The following FLG variants were observed in gnomAD, a reference collection of about 807,000 sequenced individuals.
FLG encodes the protein epidermal filaggrin.
FLG carries 6 observed loss-of-function variants against 3.8 expected under a neutral mutation model. The observed-to-expected ratio is 1.60, with a 90% CI of 0.87 to 3.15. The LOEUF is 3.15. FLG is among the 30% of genes most tolerant of loss of function. The pLI is 0.00. For synonymous variants in FLG, 2,551 were observed against 1,931.6 expected, an observed-to-expected ratio of 1.32 and a Z score of -8.41; for missense variants, 7,595 against 5,050.9, an observed-to-expected ratio of 1.50 and a Z score of -15.27.
chr1:152,310,174 G>C lies in FLG; in HGVS notation c.4712C>G (p.Ser1571Cys), dbSNP rs1329871063. Residue 1571 changes from serine (S) to cysteine (C), a missense_variant, in exon 3 of 3, where the codon TCT becomes TGT. Transcript: ENST00000368799. ...TCCCTGGCCCACCTGTGAGTGTCTAGAGCTGCCGGCCCGAGTGGAAGGTTC... is the reference window on the plus strand; with the variant it reads ...TCCCTGGCCCACCTGTGAGTGTCTACAGCTGCCGGCCCGAGTGGAAGGTTC... ...HHEPSTRAGS[S>C]RHSQVGQGES... The C allele has an allele frequency of 1.9e-6, 3 of 1,613,718 alleles. No homozygotes were observed. Among genetic ancestry groups the C allele is most frequent in the East Asian group, 4.5e-5 (2 of 44,838 alleles).
chr1:152,312,392 A>G lies in FLG; in HGVS notation c.2494T>C (p.Ser832Pro). The change falls in exon 3 of 3, where the codon TCA (serine) becomes CCA (proline). Residue 832 changes from serine to proline, a missense_variant. By Grantham distance (74) the Ser-to-Pro change is moderately conservative. Transcript: ENST00000368799. Reference sequence around the variant, plus strand: ...GTGTCCTGACCATCTTGGGATGCTGAGTGCCTGGAGTTGTCTCGTGCCTGC... The same window carrying G: ...GTGTCCTGACCATCTTGGGATGCTGGGTGCCTGGAGTTGTCTCGTGCCTGC... ...HEQARDNSRH[S>P]ASQDGQDTIR... is the part of the protein sequence containing the mutation. 1 of 1,613,066 alleles carries G rather than the reference A, an allele frequency of 6.2e-7. No individual in the cohort carries two copies. The highest frequency in any genetic ancestry group is 1.1e-5 in the South Asian group (1 of 91,008).
At position 152,304,933 on chromosome 1, in the gene FLG, A is replaced by G. The variant is rs145342570; in HGVS notation, c.9953T>C (p.Ile3318Thr). The change falls in exon 3 of 3, where the codon ATT becomes ACT. Residue 3318 changes from isoleucine to threonine, a missense_variant. Coordinates refer to ENST00000368799, the MANE Select transcript of FLG (RefSeq NM_002016.2). ...TGCAGATGAAGCTTGTCCACGCGGA[A>G]TGCCTGAGTGTCTGGAGCTGTCTGC... ...QSADSSRHSGIPRGQASSAVR... is the reference protein window; with the variant it reads ...QSADSSRHSGTPRGQASSAVR... The G allele has an allele frequency of 6.2e-6, 10 of 1,613,312 alleles. No individual in the cohort carries two copies. The African/African-American group carries it at 1.2e-4, about 19-fold the overall frequency.
At position 152,308,059 on chromosome 1, in the gene FLG, C is replaced by G. The variant is rs149807349; in HGVS notation, c.6827G>C (p.Arg2276Thr). ...GGACCTGGGGTGTCTGGAGCCATCT[C>G]TTGACTGCTCCTGAGCAGATCCATG... ...NHHGSAQEQSRDGSRHPRSHH... is the reference protein window; with the variant it reads ...NHHGSAQEQSTDGSRHPRSHH... The change falls in exon 3 of 3, where the codon AGA becomes ACA. Residue 2276 changes from arginine (R) to threonine (T), a missense_variant. By Grantham distance (71) the Arg-to-Thr change is moderately conservative. Coordinates refer to ENST00000368799, the MANE Select transcript of FLG (RefSeq NM_002016.2). 5.1e-5 allele frequency: 82 copies of G among 1,614,118 alleles called. No homozygotes were observed. The highest frequency in any genetic ancestry group is 3.7e-4 in the Admixed American group (22 of 60,012).
At position 152,313,326 on chromosome 1, in the gene FLG, C is replaced by G; in HGVS notation, c.1560G>C (p.Pro520=). 6.2e-7 allele frequency: 1 copy of G among 1,613,498 alleles called. No homozygotes were observed. The highest frequency in any genetic ancestry group is 8.5e-7 in the Non-Finnish European group (1 of 1,179,902). Residue 520 remains proline (P), a synonymous_variant, in exon 3 of 3, where the codon CCG becomes CCC. Coordinates refer to ENST00000368799, the MANE Select transcript of FLG (RefSeq NM_002016.2). ...CCTGCCTTCCTCCTCTGCTTGACCC[C>G]GGGTGTCCACGAATGGTGTCCTGAC... ...QEGQDTIRGH[P]GSSRGGRQGS...
rs1557879253 is a variant in FLG at position 152,311,660 on chromosome 1, C to A, written c.3226G>T (p.Gly1076Ter). ...TGTGTGTCTGACTCCTCTGAATGTC[C>A]CTCACTATCACTGGCCTGACTACCA... ...SSGSQASDSE[G>*]HSEESDTQSV... Residue 1076 changes from glycine (G) to a stop codon, truncating the protein, a stop_gained, in exon 3 of 3, where the codon GGA becomes TGA. Coordinates refer to ENST00000368799, the MANE Select transcript of FLG (RefSeq NM_002016.2). LOFTEE classifies it low-confidence loss of function (END_TRUNC). 2 of 1,614,134 alleles carry A rather than the reference C, an allele frequency of 1.2e-6. No individual in the cohort carries two copies.
At position 152,310,635 on chromosome 1, in the gene FLG, C is replaced by T; in HGVS notation, c.4251G>A (p.Gly1417=). The T allele has an allele frequency of 1.9e-6, 3 of 1,613,956 alleles. No homozygotes were observed. Among genetic ancestry groups the T allele is most frequent in the Non-Finnish European group, 2.5e-6 (3 of 1,179,978 alleles). ...ACTCTTTGTGGCTCTGCTGATGGGGCCCAGCTTGTCCGTGGGCTGACACTG... is the reference window on the plus strand; with the variant it reads ...ACTCTTTGTGGCTCTGCTGATGGGGTCCAGCTTGTCCGTGGGCTGACACTG... ...TQSVSAHGQA[G]PHQQSHKESA... Residue 1417 remains glycine, a synonymous_variant, in exon 3 of 3, where the codon GGG becomes GGA. Coordinates refer to ENST00000368799, the MANE Select transcript of FLG (RefSeq NM_002016.2).
In FLG at chr1:152,306,240, C is replaced by G. The variant is rs144057082; in HGVS notation, c.8646G>C (p.Arg2882Ser). Residue 2882 changes from arginine (R) to serine (S), a missense_variant, in exon 3 of 3, where the codon AGG becomes AGC. By Grantham distance (110) the Arg-to-Ser change is moderately radical. Coordinates refer to ENST00000368799, the MANE Select transcript of FLG (RefSeq NM_002016.2). The part of the protein sequence containing the change: ...QAVQGQSEGS[R>S]RSRRQGSSVS... ...CACTGGATCCCTGGCGCCTGCTTCT[C>G]CTGGACCCCTCTGATTGTCCCTGGA... 4.9e-5 allele frequency: 78 copies of G among 1,605,082 alleles called. 1 individual carries two copies. In the Middle Eastern group the frequency reaches 6.6e-4, roughly 14 times the overall value.
chr1:152,314,029 TC>T lies in FLG; in HGVS notation c.856del (p.Glu286SerfsTer160), dbSNP rs1400304361. The T allele has an allele frequency of 1.2e-6, 2 of 1,614,226 alleles. No individual in the cohort carries two copies. The highest frequency in any genetic ancestry group is 8.5e-7 in the Non-Finnish European group (1 of 1,180,030). On this transcript the variant is annotated frameshift_variant, in exon 3 of 3. Transcript: ENST00000368799. LOFTEE classifies it low-confidence loss of function (END_TRUNC). ...HENTSQVPLQ[E>X]SRTRKRRGSR... ...TCCCCTACGCTTTCTTGTCCTGGAC[TC>T]CTGCAATGGTACCTGGCTTGTATTT...
chr1:152,309,640 T>A lies in FLG; in HGVS notation c.5246A>T (p.Glu1749Val), dbSNP rs1380029554. 9 of 1,613,544 alleles carry A rather than the reference T, an allele frequency of 5.6e-6. No individual in the cohort carries two copies. In the South Asian group the frequency reaches 9.9e-5, roughly 18 times the overall value. ...QAGPHQQSHQ[E>V]STRGQSGERS... ...TTCCCCTGACTGGCCACGTGTGGAC[T>A]CTTGGTGGCTCTGCTGATGGGGCCC... is the stretch of plus-strand genomic sequence containing the variant. The change falls in exon 3 of 3, where the codon GAG (glutamate) becomes GTG (valine). Residue 1749 changes from glutamate to valine, a missense_variant. By Grantham distance (121) the Glu-to-Val change is moderately radical. Transcript: ENST00000368799.
rs747657151 is a variant in FLG, at chr1:152,302,787, A to T, written c.12099T>A (p.Asn4033Lys). 20 of 1,614,184 alleles carry T rather than the reference A, an allele frequency of 1.2e-5. No individual in the cohort carries two copies. The highest frequency in any genetic ancestry group is 3.3e-4 in the Middle Eastern group (2 of 6,062). ...DHPRYYATYI[N>K]KDPGLCGHSS... is the part of the protein sequence containing the mutation. ...AATGGCCACATAAACCTGGGTCCTTATTAATATACGTTGCATAATACCTTG... is the reference window on the plus strand; with the variant it reads ...AATGGCCACATAAACCTGGGTCCTTTTTAATATACGTTGCATAATACCTTG... Residue 4033 changes from asparagine to lysine, a missense_variant, in exon 3 of 3, where the codon AAT becomes AAA. Transcript: ENST00000368799.
In FLG at chr1:152,308,342, C is replaced by A. The variant is rs754212855; in HGVS notation, c.6544G>T (p.Gly2182Trp). The A allele has an allele frequency of 1.2e-6, 2 of 1,613,692 alleles. No individual in the cohort carries two copies. Among genetic ancestry groups the A allele is most frequent in the Admixed American group, 3.3e-5 (2 of 59,972 alleles). The change falls in exon 3 of 3, where the codon GGG (glycine) becomes TGG (tryptophan). Residue 2182 changes from glycine (G) to tryptophan (W), a missense_variant. By Grantham distance (184) the Gly-to-Trp change is radical. Coordinates refer to ENST00000368799, the MANE Select transcript of FLG (RefSeq NM_002016.2). ...TSQGRSDASRGQSGSRSASRK... is the reference protein window; with the variant it reads ...TSQGRSDASRWQSGSRSASRK... ...CTTGCACTTCTGGATCCTGACTGCC[C>A]ACGGGAGGCATCAGACCTTCCCTGG...
At position 152,308,941 on chromosome 1, in the gene FLG, G is replaced by T; in HGVS notation, c.5945C>A (p.Thr1982Lys). The T allele has an allele frequency of 6.2e-7, 1 of 1,614,030 alleles. No homozygotes were observed. Among genetic ancestry groups the T allele is most frequent in the South Asian group, 1.1e-5 (1 of 91,082 alleles). Residue 1982 changes from threonine (T) to lysine (K), a missense_variant, in exon 3 of 3, where the codon ACA (threonine) becomes AAA (lysine). Transcript: ENST00000368799. ...DSSRQSGTRH[T>K]ESSSRGQAAS... Reference sequence around the variant, plus strand: ...AGCCTGTCCACGAGAGGAAGACTCTGTGTGACGAGTGCCTGATTGTCTGGA... The same window carrying T: ...AGCCTGTCCACGAGAGGAAGACTCTTTGTGACGAGTGCCTGATTGTCTGGA...
chr1:152,304,183 T>A lies in FLG; in HGVS notation c.10703A>T (p.Gln3568Leu). Residue 3568 changes from glutamine to leucine, a missense_variant, in exon 3 of 3, where the codon CAG becomes CTG. Physicochemically the swap from Gln to Leu is moderately radical, Grantham distance 113. Transcript: ENST00000368799. ...SASRNHRGSA[Q>L]EQSRDGSRHP... ...TCTGGAGCCATCTCTTGACTGCTCC[T>A]GAGCAGATCCACGATGGTTTCTGGA... 1 of 1,540,596 alleles carries A rather than the reference T, an allele frequency of 6.5e-7. No individual in the cohort carries two copies. The highest frequency in any genetic ancestry group is 8.7e-7 in the Non-Finnish European group (1 of 1,148,592).
chr1:152,314,962 G>T (rs529787677), intron 2 of FLG: 2 of 559,668 alleles, frequency 3.6e-6, no homozygotes, highest in South Asian at 2.6e-5. Flanking sequence ...GATGGGGTAA[G>T]TGACTCTTTT....
chr1:152,307,223 C>T lies in FLG; in HGVS notation c.7663G>A (p.Glu2555Lys). Reference sequence around the variant, plus strand: ...CAGTTCCTGCTTGTCCTGGGCCCCTCTGATTGTCCCTGGCCCACCTGCGAG... The same window carrying T: ...CAGTTCCTGCTTGTCCTGGGCCCCTTTGATTGTCCCTGGCCCACCTGCGAG... ...GHSQVGQGQSEGPRTSRNWGS... is the reference protein window; with the variant it reads ...GHSQVGQGQSKGPRTSRNWGS... Residue 2555 changes from glutamate to lysine, a missense_variant, in exon 3 of 3, where the codon GAG (glutamate) becomes AAG (lysine). Transcript: ENST00000368799. 1 of 1,610,996 alleles carries T rather than the reference C, an allele frequency of 6.2e-7. No homozygotes were observed. The highest frequency in any genetic ancestry group is 8.5e-7 in the Non-Finnish European group (1 of 1,179,950).
Position 152,303,225 on chromosome 1 carries a change from A to C in FLG, c.11661T>G (p.His3887Gln), listed in dbSNP as rs200557501. The C allele has an allele frequency of 4.2e-5, 67 of 1,613,832 alleles. 1 individual carries two copies. The Middle Eastern group carries it at 6.6e-4, about 16-fold the overall frequency. ...TTGACTGCTCCCGAGAAGATCCATG[A>C]TGGTTTCTGGAAGCAGACTCAGATC... ...ERRSESASRN[H>Q]HGSSREQSRD... is the part of the protein sequence containing the mutation. The change falls in exon 3 of 3, where the codon CAT becomes CAG. Residue 3887 changes from histidine (H) to glutamine (Q), a missense_variant. Coordinates refer to ENST00000368799, the MANE Select transcript of FLG (RefSeq NM_002016.2).
At position 152,307,260 on chromosome 1, in the gene FLG, G is replaced by T. The variant is rs781650357; in HGVS notation, c.7626C>A (p.Asp2542Glu). The part of the protein sequence containing the change: ...SRHHEASSRA[D>E]SSGHSQVGQG... The stretch of plus-strand genomic sequence containing the variant: ...GGCCCACCTGCGAGTGTCCAGAGCT[G>T]TCGGCCCGAGAGGAAGCTTCATGGT... The change falls in exon 3 of 3, where the codon GAC (aspartate) becomes GAA (glutamate). Residue 2542 changes from aspartate to glutamate, a missense_variant. Physicochemically the swap from Asp to Glu is conservative, Grantham distance 45 (BLOSUM62 2). Transcript: ENST00000368799. 2 of 1,613,046 alleles carry T rather than the reference G, an allele frequency of 1.2e-6. No individual in the cohort carries two copies. Among genetic ancestry groups the T allele is most frequent in the South Asian group, 2.2e-5 (2 of 91,066 alleles).
Position 152,310,936 on chromosome 1 carries a change from G to A in FLG, c.3950C>T (p.Ala1317Val), listed in dbSNP as rs200631918. The A allele has an allele frequency of 4.8e-5, 77 of 1,614,030 alleles. 1 individual carries two copies. The highest frequency in any genetic ancestry group is 6.4e-5 in the Non-Finnish European group (76 of 1,180,020). ...GCTGTCTGCAGAGTGCCCGTGACTG[G>A]CTCTGTCTTCTTGATGGAACCCAGG... ...RHPGFHQEDR[A>V]SHGHSADSSR... The change falls in exon 3 of 3, where the codon GCC becomes GTC. Residue 1317 changes from alanine to valine, a missense_variant. Transcript: ENST00000368799.
Position 152,313,362 on chromosome 1 carries a change from C to A in FLG, c.1524G>T (p.Ala508=). 6.2e-7 allele frequency: 1 copy of A among 1,612,864 alleles called. No individual in the cohort carries two copies. The highest frequency in any genetic ancestry group is 1.1e-5 in the South Asian group (1 of 91,010). ...EQARDSSRHS[A]SQEGQDTIRG... is the part of the protein sequence containing the mutation. ...GAATGGTGTCCTGACCCTCTTGGGA[C>A]GCTGAATGCCTGGAGCTGTCTCGTG... Residue 508 remains alanine, a synonymous_variant, in exon 3 of 3, where the codon GCG becomes GCT. Coordinates refer to ENST00000368799, the MANE Select transcript of FLG (RefSeq NM_002016.2).
Sources: allele counts gnomAD v4.1 joint callset, GRCh38; gene constraint gnomAD v4.1.1; transcripts MANE v1.5; gene names NCBI Gene and HGNC (gene_info 2026-07-23, HGNC 2026-07-21).